EPHX1: variants seen among roughly 807,000 people sequenced by gnomAD.
The protein encoded by EPHX1 is epoxide hydrolase 1.
EPHX1 carries 40 observed loss-of-function variants against 43.2 expected under a neutral mutation model. That is an observed-to-expected ratio of 0.93 (90% CI 0.72 to 1.21). The LOEUF is 1.21. Among genes scored for constraint, EPHX1 ranks in the 50% most tolerant of loss-of-function variants. EPHX1 has a pLI of 0.00. For synonymous variants in EPHX1, 221 were observed against 226.7 expected, an observed-to-expected ratio of 0.98 and a Z score of 0.22; for missense variants, 550 against 570.4, an observed-to-expected ratio of 0.96 and a Z score of 0.36.
chr1:225,816,460 C>A (rs17571067), intron 1 of EPHX1, among the ~76,000 whole-genome samples: 59,218 of 151,852 alleles, frequency 0.39, 11,761 homozygotes, highest in African/African-American at 0.43. Flanking sequence ...CCAATGGAAG[C>A]AACTCAACAG....
At chr1:225,845,040 G>A in intron 8 of EPHX1, 106 bp from the exon 9 acceptor site, 2 of 1,195,840 alleles carry the variant, frequency 1.7e-6, no homozygotes, top group Non-Finnish European at 2.5e-6. Flanking sequence ...GGCTCCTTGT[G>A]GGTGGGCCAG....
intron 1 of EPHX1, among the ~76,000 whole-genome samples, chr1:225,818,803 A>G (rs367763037): frequency 6.6e-6 from 1 of 152,010 alleles, no homozygotes; most frequent in African/African-American, 2.4e-5. Flanking sequence ...TTGCATTTCC[A>G]AAAGATCACT....
At position 225,838,912 on chromosome 1, in the gene EPHX1, C is replaced by T. The variant is rs761855631; in HGVS notation, c.592+31C>T. 9 of 1,604,550 alleles carry T rather than the reference C, an allele frequency of 5.6e-6. No homozygotes were observed. The Admixed American group carries it at 6.7e-5, about 12-fold the overall frequency. On this transcript the variant is annotated intron_variant, in intron 4 of 8. Coordinates refer to ENST00000272167, the MANE Select transcript of EPHX1 (RefSeq NM_001136018.4). ...GGGCTGCTAGAGGTTCCATAACTGC[C>T]CCGTCCTCGCCAAGGGTGGGCCCGG...
chr1:225,830,324 G>C (rs1427830106), intron 2 of EPHX1, among the ~76,000 whole-genome samples: 9 of 152,268 alleles, frequency 5.9e-5, no homozygotes, highest in East Asian at 3.9e-4. Context: ...AATCTGTTTG[G>C]GGGTAACTGA....
rs996855571 is a variant in EPHX1 at position 225,828,858 on chromosome 1, G to C, written c.129G>C (p.Arg43Ser). Residue 43 changes from arginine to serine, a missense_variant, in exon 2 of 9, where the codon AGG (arginine) becomes AGC (serine). Arg to Ser is a moderately radical substitution (Grantham distance 110, BLOSUM62 -1). Transcript: ENST00000272167. ...GGCCAGGCACGAGGTCCGCAGCCAG[G>C]GAGGACGACAGCATCCGCCCTTTCA... ...WWGPGTRSAA[R>S]EDDSIRPFKV... 6 of 1,608,568 alleles carry C rather than the reference G, an allele frequency of 3.7e-6. No individual in the cohort carries two copies. In the African/African-American group the frequency reaches 5.4e-5, roughly 14 times the overall value.
At chr1:225,832,091 C>T (rs539657631) in intron 3 of EPHX1, 132 bp downstream of exon 3, 93 of 972,340 alleles carry the variant, frequency 9.6e-5, no homozygotes, top group South Asian at 7.2e-4. Context: ...TGTACTTATA[C>T]GTTGTAACCT....
chr1:225,844,669 A>G (rs2102791577), intron 8 of EPHX1, 46 bp downstream of exon 8: 3 of 1,610,970 alleles, frequency 1.9e-6, no homozygotes, highest in East Asian at 2.2e-5. Context: ...GGCTGGAGGC[A>G]GGGGGACGGC....
intron 7 of EPHX1, among the ~76,000 whole-genome samples, chr1:225,843,612 C>G (rs1459290344): frequency 6.6e-6 from 1 of 152,220 alleles, no homozygotes; most frequent in African/African-American, 2.4e-5. Flanking sequence ...GACTATCCCA[C>G]TAGGCCACTC....
chr1:225,814,525 G>C (rs964394938), intron 1 of EPHX1, among the ~76,000 whole-genome samples: 1 of 152,242 alleles, frequency 6.6e-6, no homozygotes, highest in African/African-American at 2.4e-5. Flanking sequence ...AGTCTAGGCC[G>C]TGTTCTGAGT....
At chr1:225,833,151 G>A (rs1180627736) in intron 3 of EPHX1, among the ~76,000 whole-genome samples, 2 of 152,114 alleles carry the variant, frequency 1.3e-5, no homozygotes, top group Admixed American at 1.3e-4. Context: ...GCACCACTGT[G>A]CCCAGCTTGT....
chr1:225,826,086 G>A (rs1032248245), intron 1 of EPHX1, among the ~76,000 whole-genome samples: 3 of 152,078 alleles, frequency 2.0e-5, no homozygotes, highest in Non-Finnish European at 4.4e-5. Context: ...TTTTTATTGT[G>A]GGAGTGTGGT....
intron 1 of EPHX1, among the ~76,000 whole-genome samples, chr1:225,812,280 C>G (rs1666519376): frequency 1.3e-5 from 2 of 152,204 alleles, no homozygotes; most frequent in African/African-American, 4.8e-5. Flanking sequence ...AATAACTACT[C>G]AGCAAGACAG....
chr1:225,835,321 C>T (rs567059296), intron 3 of EPHX1, among the ~76,000 whole-genome samples: 2 of 151,200 alleles, frequency 1.3e-5, no homozygotes, highest in Non-Finnish European at 2.9e-5. Context: ...TGAGCTCAAG[C>T]GATCCTCCCA....
chr1:225,845,132 TCTTTCACTTCCA>T lies in EPHX1; in HGVS notation c.1167-13_1167-2del. The T allele has an allele frequency of 6.2e-7, 1 of 1,613,688 alleles. No individual in the cohort carries two copies. The highest frequency in any genetic ancestry group is 1.7e-5 in the Admixed American group (1 of 60,008). On this transcript the variant is annotated splice_acceptor_variant and splice_polypyrimidine_tract_variant and intron_variant, in intron 8 of 8. Transcript: ENST00000272167. LOFTEE classifies it high-confidence loss of function. ...GCCACAGCCTCACCCCTCCGTCGGC[TCTTTCACTTCCA>T]GGATGAAGGTCTATGTGCCCACTGG...
At position 225,828,695 on chromosome 1, in the gene EPHX1, C is replaced by T. The variant is rs948514287; in HGVS notation, c.-5-30C>T. The T allele has an allele frequency of 8.7e-6, 14 of 1,605,014 alleles. No homozygotes were observed. In the African/African-American group the frequency reaches 1.1e-4, roughly 12 times the overall value. On this transcript the variant is annotated intron_variant, in intron 1 of 8. Transcript: ENST00000272167. ...TGTCAGGGCCGGGCTGGGCGGGCTC[C>T]GTTGTTAATGGCTTCCCCTCATCTT...
intron 1 of EPHX1, among the ~76,000 whole-genome samples, chr1:225,821,565 CTTT>C (rs869228485): frequency 0.031 from 2,142 of 69,876 alleles, 44 homozygotes; most frequent in African/African-American, 0.12. Context: ...TTTTTTGGTT[CTTT>C]TTTTTTTTTT....
intron 3 of EPHX1, among the ~76,000 whole-genome samples, chr1:225,834,563 C>T (rs1667852282): frequency 7.1e-6 from 1 of 140,950 alleles, no homozygotes; most frequent in African/African-American, 2.7e-5. Flanking sequence ...GAACTAGAGC[C>T]CATCCTGGAG....
rs113600549 is a variant in EPHX1, at chr1:225,823,916, T to A, written c.-5-4809T>A. On this transcript the variant is annotated intron_variant, in intron 1 of 8. Coordinates refer to ENST00000272167, the MANE Select transcript of EPHX1 (RefSeq NM_001136018.4). ...AGAGTGGTGCCCTCTTGACTGAGCCTCGAGCCTTTGCTTTCCCCTTACTCC... is the reference window on the plus strand; with the variant it reads ...AGAGTGGTGCCCTCTTGACTGAGCCACGAGCCTTTGCTTTCCCCTTACTCC... 6.0e-3 allele frequency among the ~76,000 whole-genome samples: 920 copies of A among 152,260 alleles called. 14 individuals carry two copies. Among genetic ancestry groups the A allele is most frequent in the African/African-American group, 0.021 (866 of 41,544 alleles).
Position 225,817,463 on chromosome 1 carries a change from G to A in EPHX1, c.-6+7294G>A, listed in dbSNP as rs932172372. 2.0e-5 allele frequency among the ~76,000 whole-genome samples: 3 copies of A among 152,162 alleles called. No individual in the cohort carries two copies. Among genetic ancestry groups the A allele is most frequent in the African/African-American group, 7.2e-5 (3 of 41,440 alleles). On this transcript the variant is annotated intron_variant, in intron 1 of 8. Coordinates refer to ENST00000272167, the MANE Select transcript of EPHX1 (RefSeq NM_001136018.4). The surrounding 1 kb of genome is among the most constrained non-coding windows in gnomAD (Gnocchi z 5.7). ...TCCCTTTCCACTGGATGTTCCCTTC[G>A]CCTTCCCCAGGGAGGAGTGATGAGG...
Sources: gnomAD v4.1 joint callset for allele counts (sites outside exome capture counted in the v4.1 genomes callset) on GRCh38, gnomAD v4.1.1 for gene constraint, Gnocchi (gnomAD v3.1) non-coding constraint, MANE v1.5 for transcripts, NCBI Gene and HGNC (gene_info 2026-07-23, HGNC 2026-07-21) for gene names.